The following ETV7 variants were observed in gnomAD, a reference collection of about 807,000 sequenced individuals.
ETV7 encodes ETS variant transcription factor 7.
ETV7 carries 43 observed loss-of-function variants against 39.1 expected under a neutral mutation model. That is an observed-to-expected ratio of 1.10 (90% CI 0.86 to 1.42). The LOEUF is 1.42. ETV7 is among the 40% of genes most tolerant of loss of function. ETV7 has a pLI of 0.00. For synonymous variants in ETV7, 196 were observed against 176.6 expected, an observed-to-expected ratio of 1.11 and a Z score of -0.87; for missense variants, 432 against 442.3, an observed-to-expected ratio of 0.98 and a Z score of 0.21.
At chr6:36,373,618 C>T (rs1205124519) in intron 3 of ETV7, 40 bp from the exon 4 acceptor site, 9 of 1,505,788 alleles carry the variant, frequency 6.0e-6, no homozygotes, top group Non-Finnish European at 7.1e-6. Context: ...GCTGAACAGG[C>T]CACGTGGGGA....
At chr6:36,363,330 G>A (rs1772580771), downstream of ETV7, among the ~76,000 whole-genome samples, 1 of 151,856 alleles carries the variant, frequency 6.6e-6, no homozygotes, top group Non-Finnish European at 1.5e-5. Flanking sequence ...GACCTTCGCG[G>A]TGAGTGTTAC....
chr6:36,365,303 G>A (rs192943050), downstream of ETV7, among the ~76,000 whole-genome samples: 7 of 152,328 alleles, frequency 4.6e-5, no homozygotes, highest in Admixed American at 2.6e-4. Flanking sequence ...CCATTGGACC[G>A]AGGTGTTTTC....
chr6:36,371,013 A>G (rs1772988181), intron 5 of ETV7, among the ~76,000 whole-genome samples: 1 of 152,262 alleles, frequency 6.6e-6, no homozygotes, highest in African/African-American at 2.4e-5. Context: ...CGCCTGGCAC[A>G]TAGTGAATGC....
chr6:36,366,682 A>G lies in ETV7; in HGVS notation c.989T>C (p.Ile330Thr), dbSNP rs1338597949. 6.8e-6 allele frequency: 11 copies of G among 1,613,852 alleles called. No individual in the cohort carries two copies. Among genetic ancestry groups the G allele is most frequent in the African/African-American group, 5.3e-5 (4 of 74,830 alleles). ...TTCTGGCCTCTTGTCCTTGAACTCT[A>G]TTCTGTCCTGCTCCTGGCTCTCCAG... ...EPLESQEQDR[I>T]EFKDKRPEIS... Residue 330 changes from isoleucine (I) to threonine (T), a missense_variant, in exon 8 of 8, where the codon ATA (isoleucine) becomes ACA (threonine). Physicochemically the swap from Ile to Thr is moderately conservative, Grantham distance 89. Coordinates refer to ENST00000340181, the MANE Select transcript of ETV7 (RefSeq NM_016135.4).
chr6:36,384,451 A>C (rs976473323), intron 2 of ETV7, among the ~76,000 whole-genome samples: 1 of 152,168 alleles, frequency 6.6e-6, no homozygotes, highest in Non-Finnish European at 1.5e-5. Context: ...TTCATTCATT[A>C]ATTCATTCAA....
At chr6:36,385,987 C>T (rs1445291440) in intron 1 of ETV7, among the ~76,000 whole-genome samples, 1 of 152,116 alleles carries the variant, frequency 6.6e-6, no homozygotes, top group Non-Finnish European at 1.5e-5. Context: ...CTGGTGAGGA[C>T]AACACAGGAA....
At position 36,366,732 on chromosome 6, in the gene ETV7, C is replaced by CT. The variant is rs767529444; in HGVS notation, c.938dup (p.Asp314GlyfsTer100). On this transcript the variant is annotated frameshift_variant, in exon 8 of 8. Coordinates refer to ENST00000340181, the MANE Select transcript of ETV7 (RefSeq NM_016135.4). LOFTEE classifies it low-confidence loss of function (END_TRUNC). ...GCGGCTCCAGGTGGCTGTGCTTGTC[C>CT]TGGACCATCTTTCCCGGAGTCTTTA... The CT allele has an allele frequency of 8.7e-6, 14 of 1,614,010 alleles. No individual in the cohort carries two copies. In the African/African-American group the frequency reaches 1.6e-4, roughly 18 times the overall value.
intron 7 of ETV7, among the ~76,000 whole-genome samples, chr6:36,358,327 T>C (rs1343142410): frequency 6.6e-6 from 1 of 152,264 alleles, no homozygotes; most frequent in African/African-American, 2.4e-5. Flanking sequence ...GTCATTTCAC[T>C]GGGGGCCTTC....
chr6:36,369,191 G>A, intron 5 of ETV7, 120 bp from the exon 6 acceptor site: 1 of 1,097,214 alleles, frequency 9.1e-7, no homozygotes, highest in East Asian at 2.5e-5. Flanking sequence ...GCAGGAAGGT[G>A]AAAATGATGA....
At chr6:36,387,410 G>T in intron 1 of ETV7, 126 bp downstream of exon 1, 1 of 1,352,404 alleles carries the variant, frequency 7.4e-7, no homozygotes, top group Non-Finnish European at 1.1e-6. Context: ...GGAATGTGTT[G>T]GAAAGAGAGA....
chr6:36,362,682 G>A (rs1476127842), downstream of ETV7, among the ~76,000 whole-genome samples: 2 of 152,202 alleles, frequency 1.3e-5, no homozygotes, highest in Non-Finnish European at 2.9e-5. Flanking sequence ...GATCTCCCTG[G>A]GGAGATGGAG....
At chr6:36,357,557 G>C (rs1206963868) in intron 7 of ETV7, among the ~76,000 whole-genome samples, 5 of 152,136 alleles carry the variant, frequency 3.3e-5, no homozygotes, top group African/African-American at 4.8e-5. Context: ...ACAAATATGG[G>C]CAGAAATGAT....
chr6:36,381,438 G>A (rs750997878), intron 2 of ETV7, among the ~76,000 whole-genome samples: 1 of 152,028 alleles, frequency 6.6e-6, no homozygotes, highest in Non-Finnish European at 1.5e-5. Context: ...TAATAAATAC[G>A]GTATGCTCAT....
intron 7 of ETV7, among the ~76,000 whole-genome samples, chr6:36,355,558 T>C (rs1482734590): frequency 6.6e-6 from 1 of 152,228 alleles, no homozygotes; most frequent in Non-Finnish European, 1.5e-5. Context: ...ATTACAGGCA[T>C]GCGCCATTGC....
At chr6:36,381,204 G>A (rs1306979095) in intron 2 of ETV7, among the ~76,000 whole-genome samples, 1 of 152,170 alleles carries the variant, frequency 6.6e-6, no homozygotes, top group Non-Finnish European at 1.5e-5. Flanking sequence ...TGCTTGGCCA[G>A]TACCCTAAAA....
chr6:36,373,284 C>T (rs1394505756), intron 4 of ETV7, among the ~76,000 whole-genome samples, 169 bp downstream of exon 4: 1 of 118,884 alleles, frequency 8.4e-6, no homozygotes, highest in Non-Finnish European at 1.6e-5. Flanking sequence ...GGGTGCAGCA[C>T]AGAGGAAGGG....
intron 1 of ETV7, among the ~76,000 whole-genome samples, chr6:36,386,143 C>T (rs528509696): frequency 2.1e-4 from 32 of 152,170 alleles, no homozygotes; most frequent in Non-Finnish European, 4.1e-4. Context: ...GCCTGACCAA[C>T]ATAGTGAAAC....
intron 2 of ETV7, among the ~76,000 whole-genome samples, chr6:36,379,869 C>T (rs1223112327): frequency 6.7e-6 from 1 of 149,442 alleles, no homozygotes; most frequent in Admixed American, 6.6e-5. Flanking sequence ...GAGCAAGACG[C>T]CATCTCAAAA....
At chr6:36,354,304 T>C in exon 8 of ETV7, 1 of 169,332 alleles carries the variant, frequency 5.9e-6, no homozygotes, top group Non-Finnish European at 1.3e-5. Context: ...ATTCTTTTGG[T>C]GTTATATTTA....
Sources: allele counts gnomAD v4.1 joint callset (sites outside exome capture counted in the v4.1 genomes callset), GRCh38; gene constraint gnomAD v4.1.1; transcripts MANE v1.5; gene names NCBI Gene and HGNC (gene_info 2026-07-23, HGNC 2026-07-21).